Variants in CMTM8 observed in about 807,000 individuals in gnomAD.
CMTM8 encodes CKLF like MARVEL transmembrane domain containing 8, also known as CKLF-like MARVEL transmembrane domain-containing protein 8.
Under a neutral mutation model 18.6 loss-of-function variants are expected in CMTM8, and 12 were observed. The ratio of observed to expected loss-of-function variants is 0.65; its 90% CI spans 0.41 to 1.05. The LOEUF is 1.05. CMTM8 is among the 50% of genes least tolerant of loss of function. The probability of loss-of-function intolerance (pLI) is 0.00; values close to 1 mark genes in which losing one functional copy is unlikely to be tolerated. For synonymous variants in CMTM8, 87 were observed against 90.6 expected, an observed-to-expected ratio of 0.96 and a Z score of 0.23; for missense variants, 217 against 227.2, an observed-to-expected ratio of 0.95 and a Z score of 0.29.
chr3:32,245,449 A>G lies in CMTM8; in HGVS notation c.147+6330A>G, dbSNP rs1335196026. Among the ~76,000 whole-genome samples the G allele has an allele frequency of 2.0e-5, 3 of 152,250 alleles. No homozygotes were observed. The East Asian group carries it at 5.8e-4, about 29-fold the overall frequency. On this transcript the variant is annotated intron_variant, in intron 1 of 3. Coordinates refer to ENST00000307526, the MANE Select transcript of CMTM8 (RefSeq NM_178868.5). The stretch of plus-strand genomic sequence containing the variant: ...GTAGTTTCCTTCCTTTTAAAGTTTT[A>G]TAACAAGCTAGAAGCAATCCAGTAC...
At chr3:32,302,963 G>T (rs1379860652) in intron 1 of CMTM8, among the ~76,000 whole-genome samples, 1 of 152,144 alleles carries the variant, frequency 6.6e-6, no homozygotes, top group African/African-American at 2.4e-5. Flanking sequence ...AAATACCCAG[G>T]TGGCCCCATT....
chr3:32,244,621 A>G (rs1161163407), intron 1 of CMTM8, among the ~76,000 whole-genome samples: 2 of 152,058 alleles, frequency 1.3e-5, no homozygotes, highest in Non-Finnish European at 2.9e-5. Context: ...TGCTTTTACT[A>G]TGCCGTGAAC....
rs2125600029 is a variant in CMTM8 at position 32,358,600 on chromosome 3, G to A, written c.321+1054G>A. ...AGACAACACTATCATTGTTCAAAAC[G>A]CACCTGGCTTTGTTCTTTCTGTGTT... On this transcript the variant is annotated intron_variant, in intron 2 of 3. Transcript: ENST00000307526. The surrounding 1 kb of genome is among the most constrained non-coding windows in gnomAD (Gnocchi z 4.1). 6.6e-6 allele frequency among the ~76,000 whole-genome samples: 1 copy of A among 152,278 alleles called. No homozygotes were observed.
intron 1 of CMTM8, among the ~76,000 whole-genome samples, chr3:32,316,017 CTTTTTTTTTTT>C (rs150112865): frequency 1.5e-5 from 1 of 65,036 alleles, no homozygotes; most frequent in Non-Finnish European, 2.7e-5. Context: ...GTGATTCCAC[CTTTTTTTTTTT>C]TTTTTTTTTT....
chr3:32,369,852 AC>A, intron 3 of CMTM8, 31 bp from the exon 4 acceptor site: 1 of 1,479,352 alleles, frequency 6.8e-7, no homozygotes, highest in Non-Finnish European at 9.4e-7. Flanking sequence ...TGTGCCCTAA[AC>A]CCCACTTCTA....
chr3:32,284,150 G>A (rs995790813), intron 1 of CMTM8, among the ~76,000 whole-genome samples: 4 of 152,248 alleles, frequency 2.6e-5, no homozygotes, highest in Non-Finnish European at 4.4e-5. Context: ...CTACTTGGGA[G>A]GCTGAGGCAT....
intron 1 of CMTM8, among the ~76,000 whole-genome samples, chr3:32,298,149 C>T (rs908821574): frequency 1.3e-5 from 2 of 151,134 alleles, no homozygotes; most frequent in African/African-American, 4.9e-5. Flanking sequence ...AATCTGGGCT[C>T]ACTGCAACCT....
chr3:32,302,202 G>A (rs1207732489), intron 1 of CMTM8, among the ~76,000 whole-genome samples: 2 of 152,038 alleles, frequency 1.3e-5, no homozygotes, highest in Admixed American at 6.5e-5. Flanking sequence ...TGGGGGCTAA[G>A]GTGGGAGGAC....
At chr3:32,302,435 A>G (rs1199707455) in intron 1 of CMTM8, among the ~76,000 whole-genome samples, 1 of 152,220 alleles carries the variant, frequency 6.6e-6, no homozygotes, top group Non-Finnish European at 1.5e-5. Context: ...TGTTCCCGAC[A>G]TCTTAGGTCA....
intron 1 of CMTM8, among the ~76,000 whole-genome samples, chr3:32,312,887 C>G (rs1157810700): frequency 6.6e-6 from 1 of 151,652 alleles, no homozygotes; most frequent in Non-Finnish European, 1.5e-5. Context: ...CTTTTTTTCA[C>G]CTTTATTGGT....
At chr3:32,287,253 A>G (rs961298337) in intron 1 of CMTM8, among the ~76,000 whole-genome samples, 11 of 152,228 alleles carry the variant, frequency 7.2e-5, no homozygotes, top group African/African-American at 2.7e-4. Context: ...GATCATCTAC[A>G]TTCTTTCAGA....
intron 1 of CMTM8, among the ~76,000 whole-genome samples, chr3:32,245,852 T>C (rs1320945210): frequency 6.6e-6 from 1 of 152,110 alleles, no homozygotes; most frequent in East Asian, 1.9e-4. Context: ...CAGGCTGGAG[T>C]GCAGTGGCGT....
At chr3:32,310,580 G>A (rs1695800671) in intron 1 of CMTM8, among the ~76,000 whole-genome samples, 1 of 152,166 alleles carries the variant, frequency 6.6e-6, no homozygotes, top group Non-Finnish European at 1.5e-5. Flanking sequence ...CATACTGCGA[G>A]GCTCAACACA....
chr3:32,251,166 G>A (rs1366079716), intron 1 of CMTM8, among the ~76,000 whole-genome samples: 1 of 152,158 alleles, frequency 6.6e-6, no homozygotes, highest in Non-Finnish European at 1.5e-5. Context: ...TTTGGCATGG[G>A]CACCAACTGG....
At chr3:32,254,307 T>G (rs961680288) in intron 1 of CMTM8, among the ~76,000 whole-genome samples, 1 of 152,224 alleles carries the variant, frequency 6.6e-6, no homozygotes, top group Non-Finnish European at 1.5e-5. Flanking sequence ...TTGCCACTTC[T>G]AATTCCAAAA....
intron 1 of CMTM8, among the ~76,000 whole-genome samples, chr3:32,268,071 T>G (rs1702375242): frequency 6.6e-6 from 1 of 152,216 alleles, no homozygotes; most frequent in Non-Finnish European, 1.5e-5. Context: ...AAATACCATT[T>G]GACCCAGCCA....
In CMTM8 at chr3:32,302,020, C is replaced by CT. The variant is rs986285726; in HGVS notation, c.148-55341dup. Among the ~76,000 whole-genome samples, 949 of 144,720 alleles carry CT rather than the reference C, an allele frequency of 6.6e-3. 8 individuals carry two copies. The highest frequency in any genetic ancestry group is 0.021 in the African/African-American group (850 of 39,700). 94.9% of individuals were successfully genotyped at this position (144,720 alleles called of 152,430 possible). ...ATTAAGAGTGATCACTGATTGCTGACTTTTTTTTTTTTCTTAATAAGAATA... is the reference window on the plus strand; with the variant it reads ...ATTAAGAGTGATCACTGATTGCTGACTTTTTTTTTTTTTCTTAATAAGAATA... On this transcript the variant is annotated intron_variant, in intron 1 of 3. Transcript: ENST00000307526.
At position 32,357,427 on chromosome 3, in the gene CMTM8, C is replaced by G. The variant is rs749437265; in HGVS notation, c.202C>G (p.Pro68Ala). The G allele has an allele frequency of 6.2e-7, 1 of 1,614,022 alleles. No individual in the cohort carries two copies. The highest frequency in any genetic ancestry group is 8.5e-7 in the Non-Finnish European group (1 of 1,180,010). The change falls in exon 2 of 4, where the codon CCC becomes GCC. Residue 68 changes from proline (P) to alanine (A), a missense_variant. By Grantham distance (27) the Pro-to-Ala change is conservative. Transcript: ENST00000307526. ...LIAGTEYFRVPAFGWVMFVAV... is the reference protein window; with the variant it reads ...LIAGTEYFRVAAFGWVMFVAV... ...TGCTGGAACTGAGTACTTCCGGGTC[C>G]CCGCATTTGGCTGGGTCATGTTTGT... is the stretch of plus-strand genomic sequence containing the variant.
chr3:32,248,691 GT>G (rs372816148), intron 1 of CMTM8, among the ~76,000 whole-genome samples: 4 of 149,558 alleles, frequency 2.7e-5, no homozygotes, highest in African/African-American at 7.3e-5. Flanking sequence ...AATTAAAAGT[GT>G]TTTTTTTTAG....
Sources: gnomAD v4.1 joint callset for allele counts (sites outside exome capture counted in the v4.1 genomes callset) on GRCh38, gnomAD v4.1.1 for gene constraint, Gnocchi (gnomAD v3.1) non-coding constraint, MANE v1.5 for transcripts, NCBI Gene and HGNC (gene_info 2026-07-23, HGNC 2026-07-21) for gene names.